Variants in PLCL1 observed in about 807,000 individuals in gnomAD.
PLCL1 encodes inactive phospholipase C-like protein 1.
PLCL1 carries 41 observed loss-of-function variants against 84.4 expected under a neutral mutation model. That is an observed-to-expected ratio of 0.49 (90% CI 0.38 to 0.63). The LOEUF is 0.63. Among genes scored for constraint, PLCL1 ranks in the 30% least tolerant of loss-of-function variants. The pLI is 0.00. For missense variants in PLCL1, 1,206 were observed against 1,367.8 expected (o/e 0.88, Z 1.87); for synonymous variants, 490 against 488.3 (o/e 1.00, Z -0.05).
intron 1 of PLCL1, among the ~76,000 whole-genome samples, chr2:197,813,263 C>T (rs1690624545): frequency 6.6e-6 from 1 of 152,188 alleles, no homozygotes; most frequent in Non-Finnish European, 1.5e-5. Context: ...TGACCTCTCT[C>T]TCCTTTGAAA....
chr2:198,061,892 C>G (rs893612920), intron 1 of PLCL1, among the ~76,000 whole-genome samples: 1 of 152,194 alleles, frequency 6.6e-6, no homozygotes, highest in African/African-American at 2.4e-5. Flanking sequence ...AGCCACTGAG[C>G]CTGGCTGCAA....
chr2:198,024,564 G>A (rs1691218392), intron 1 of PLCL1, among the ~76,000 whole-genome samples: 1 of 152,134 alleles, frequency 6.6e-6, no homozygotes, highest in Non-Finnish European at 1.5e-5. Flanking sequence ...GGGAGTTCGA[G>A]ACCAGCCTGA....
At chr2:198,126,765 C>T (rs1693995935) in intron 5 of PLCL1, among the ~76,000 whole-genome samples, 1 of 152,022 alleles carries the variant, frequency 6.6e-6, no homozygotes, top group Non-Finnish European at 1.5e-5. Context: ...ATTAGCTGGG[C>T]ATGGTGGCAC....
chr2:197,983,550 T>G (rs1211175572), intron 1 of PLCL1, among the ~76,000 whole-genome samples: 1 of 152,142 alleles, frequency 6.6e-6, no homozygotes, highest in African/African-American at 2.4e-5. Flanking sequence ...GCATTTTCTA[T>G]AAAAGGTTTA....
At chr2:197,992,990 T>G (rs1454160260) in intron 1 of PLCL1, among the ~76,000 whole-genome samples, 1 of 152,228 alleles carries the variant, frequency 6.6e-6, no homozygotes, top group African/African-American at 2.4e-5. Context: ...AAATATCTGT[T>G]TGAGTCCCTG....
chr2:198,084,630 T>A lies in PLCL1; in HGVS notation c.1113T>A (p.Phe371Leu), dbSNP rs1692811413. Residue 371 changes from phenylalanine (F) to leucine (L), a missense_variant, in exon 2 of 6, where the codon TTT becomes TTA. Transcript: ENST00000428675. Reference protein sequence around the residue: ...ELSEEGRQKGFLAIDGFTQYL... With the variant: ...ELSEEGRQKGLLAIDGFTQYL... ...CTGAAGAGGGACGTCAAAAAGGGTT[T>A]CTTGCAATTGATGGCTTTACCCAGT... 1 of 1,614,118 alleles carries A rather than the reference T, an allele frequency of 6.2e-7. No homozygotes were observed. Among genetic ancestry groups the A allele is most frequent in the Non-Finnish European group, 8.5e-7 (1 of 1,179,982 alleles).
intron 1 of PLCL1, among the ~76,000 whole-genome samples, chr2:198,045,999 T>C (rs908608069): frequency 2.0e-5 from 3 of 152,128 alleles, no homozygotes; most frequent in African/African-American, 7.2e-5. Context: ...ATAAAAAGGG[T>C]GACTGGTGGG....
At chr2:198,009,453 G>A (rs908778223) in intron 1 of PLCL1, among the ~76,000 whole-genome samples, 1 of 151,880 alleles carries the variant, frequency 6.6e-6, no homozygotes, top group Non-Finnish European at 1.5e-5. Flanking sequence ...TCTTTTCTCT[G>A]TTGTGTGGTC....
chr2:197,988,821 C>G (rs1011348828), intron 1 of PLCL1, among the ~76,000 whole-genome samples: 1 of 152,170 alleles, frequency 6.6e-6, no homozygotes, highest in African/African-American at 2.4e-5. Flanking sequence ...ACAGGGTGTA[C>G]TAATTTATGT....
chr2:197,940,376 GC>G (rs1689135726), intron 1 of PLCL1, among the ~76,000 whole-genome samples: 2 of 152,146 alleles, frequency 1.3e-5, no homozygotes, highest in Admixed American at 6.5e-5. Context: ...AAGTGTCACA[GC>G]TTTTAGTGAG....
intron 1 of PLCL1, among the ~76,000 whole-genome samples, chr2:197,892,526 T>A (rs1307682930): frequency 6.6e-6 from 1 of 152,192 alleles, no homozygotes; most frequent in Non-Finnish European, 1.5e-5. Context: ...GAGAAATAGC[T>A]TCAAGCAACA....
At chr2:198,020,562 G>C (rs1369424157) in intron 1 of PLCL1, among the ~76,000 whole-genome samples, 1 of 120,022 alleles carries the variant, frequency 8.3e-6, no homozygotes, top group African/African-American at 3.1e-5. Flanking sequence ...CAAATGGAAA[G>C]AAAAAAAAAA....
chr2:198,097,263 A>G lies in PLCL1; in HGVS notation c.2920-4022A>G, dbSNP rs138860399. 1.3e-4 allele frequency among the ~76,000 whole-genome samples: 20 copies of G among 152,290 alleles called. No homozygotes were observed. In the East Asian group the frequency reaches 3.3e-3, roughly 25 times the overall value. On this transcript the variant is annotated intron_variant, in intron 3 of 5. Transcript: ENST00000428675. ...ATGTCTTTGGACACATTTTCTGTGT[A>G]AGGGGAAAATTATCAGCATCTTGAG...
chr2:198,129,111 A>G (rs1047423411), intron 5 of PLCL1, among the ~76,000 whole-genome samples: 1 of 152,162 alleles, frequency 6.6e-6, no homozygotes, highest in African/African-American at 2.4e-5. Context: ...TTTTACCCCA[A>G]AATATATTTC....
intron 1 of PLCL1, among the ~76,000 whole-genome samples, chr2:197,915,780 G>C (rs904217632): frequency 9.2e-5 from 14 of 152,302 alleles, no homozygotes; most frequent in Admixed American, 9.1e-4. Context: ...TCAAAGCTCT[G>C]ACTCAAGTGG....
At chr2:197,841,659 T>C (rs897271355) in intron 1 of PLCL1, among the ~76,000 whole-genome samples, 2 of 152,260 alleles carry the variant, frequency 1.3e-5, no homozygotes, top group African/African-American at 4.8e-5. Flanking sequence ...CAATTATGCA[T>C]GAAACTGCTA....
At chr2:197,914,880 G>T (rs1688561304) in intron 1 of PLCL1, among the ~76,000 whole-genome samples, 1 of 152,166 alleles carries the variant, frequency 6.6e-6, no homozygotes, top group Non-Finnish European at 1.5e-5. Context: ...ATTTATTACA[G>T]GTGAACAGGA....
At chr2:197,833,379 C>T (rs1691112116) in intron 1 of PLCL1, among the ~76,000 whole-genome samples, 1 of 152,142 alleles carries the variant, frequency 6.6e-6, no homozygotes, top group South Asian at 2.1e-4. Context: ...AAAGACAGGA[C>T]ATCAAGTTGT....
chr2:197,826,075 C>T (rs78195751), intron 1 of PLCL1, among the ~76,000 whole-genome samples: 2,052 of 152,272 alleles, frequency 0.013, 44 homozygotes, highest in African/African-American at 0.047. Flanking sequence ...ATTTCCTTCT[C>T]GGAGGCTTTT....
Sources: allele counts gnomAD v4.1 joint callset (sites outside exome capture counted in the v4.1 genomes callset), GRCh38; gene constraint gnomAD v4.1.1; transcripts MANE v1.5; gene names NCBI Gene and HGNC (gene_info 2026-07-23, HGNC 2026-07-21).